SLC36A4: variants seen among roughly 807,000 people sequenced by gnomAD.
The protein encoded by SLC36A4 is neutral amino acid uniporter 4.
SLC36A4 carries 49 observed loss-of-function variants against 50.5 expected under a neutral mutation model. The observed-to-expected ratio is 0.97, with a 90% CI of 0.77 to 1.23. The LOEUF (loss-of-function observed/expected upper bound fraction) is 1.23. SLC36A4 is among the 50% of genes most tolerant of loss of function. SLC36A4 has a pLI of 0.00. For missense variants in SLC36A4, 611 were observed against 608.4 expected (o/e 1.00, Z -0.05); for synonymous variants, 207 against 206.5 (o/e 1.00, Z -0.02).
At chr11:93,191,439 G>A (rs1862214301) in intron 1 of SLC36A4, among the ~76,000 whole-genome samples, 1 of 152,202 alleles carries the variant, frequency 6.6e-6, no homozygotes, top group Non-Finnish European at 1.5e-5. Context: ...AGCTTGATAA[G>A]TTTTCTAATC....
intron 6 of SLC36A4, among the ~76,000 whole-genome samples, chr11:93,168,842 C>G (rs1457126505): frequency 1.3e-5 from 2 of 152,000 alleles, no homozygotes; most frequent in Non-Finnish European, 2.9e-5. Context: ...ATTCCTATAA[C>G]CCAATTTTCA....
Position 93,146,426 on chromosome 11 carries a change from T to A in SLC36A4, c.*2111A>T, listed in dbSNP as rs903469872. 2 of 152,004 alleles carry A rather than the reference T, an allele frequency of 1.3e-5. No homozygotes were observed. The highest frequency in any genetic ancestry group is 4.8e-5 in the African/African-American group (2 of 41,440). The allele number at this position is 152,004 out of a possible 1,614,324, so 9.4% of individuals were successfully genotyped here. On this transcript the variant is annotated 3_prime_UTR_variant, in exon 11 of 11. Transcript: ENST00000326402. ...AGTGAAGATTCGTTTTCCTATAACT[T>A]CTTCTGCATTCTCTTAGTATGACTA...
At chr11:93,171,903 G>A (rs1006879858) in intron 6 of SLC36A4, 20 of 152,186 alleles carry the variant, frequency 1.3e-4, no homozygotes, top group Non-Finnish European at 2.6e-4. Flanking sequence ...ATAAACAAAA[G>A]AATATAAACA....
intron 6 of SLC36A4, among the ~76,000 whole-genome samples, chr11:93,170,652 A>G (rs2134665761): frequency 6.6e-6 from 1 of 152,146 alleles, no homozygotes; most frequent in African/African-American, 2.4e-5. Flanking sequence ...TTTATTTGTA[A>G]TACTGTATTC....
At chr11:93,161,167 A>T (rs990735918) in intron 9 of SLC36A4, among the ~76,000 whole-genome samples, 1 of 152,298 alleles carries the variant, frequency 6.6e-6, no homozygotes, top group South Asian at 2.1e-4. Flanking sequence ...TGAGGAAAAA[A>T]TATCATTCTA....
chr11:93,162,901 T>C, intron 8 of SLC36A4, 26 bp from the exon 9 acceptor site: 13 of 1,597,878 alleles, frequency 8.1e-6, no homozygotes, highest in Non-Finnish European at 1.1e-5. Context: ...AATACTTTTT[T>C]TTAAGGGAAT....
chr11:93,162,790 T>C lies in SLC36A4; in HGVS notation c.953A>G (p.Tyr318Cys), dbSNP rs1182264957. The stretch of plus-strand genomic sequence containing the variant: ...ATATCCTAAAGTAGCTAATGTTACA[T>C]ACAAAGTTGTAACAATCCCCATGCC... The part of the protein sequence containing the change: ...NIGMGIVTTL[Y>C]VTLATLGYMC... The change falls in exon 9 of 11, where the codon TAT becomes TGT. Residue 318 changes from tyrosine (Y) to cysteine (C), a missense_variant. Coordinates refer to ENST00000326402, the MANE Select transcript of SLC36A4 (RefSeq NM_152313.4). 7 of 1,612,740 alleles carry C rather than the reference T, an allele frequency of 4.3e-6. No homozygotes were observed. The highest frequency in any genetic ancestry group is 3.3e-5 in the South Asian group (3 of 91,046).
At chr11:93,157,903 C>T (rs1478495192) in intron 9 of SLC36A4, among the ~76,000 whole-genome samples, 1 of 152,096 alleles carries the variant, frequency 6.6e-6, no homozygotes, top group African/African-American at 2.4e-5. Context: ...ACTTCCAATA[C>T]TATGTTGAAC....
chr11:93,165,720 A>T (rs963718587), intron 8 of SLC36A4, among the ~76,000 whole-genome samples, 198 bp downstream of exon 8: 2 of 152,176 alleles, frequency 1.3e-5, no homozygotes, highest in Non-Finnish European at 2.9e-5. Context: ...TAGAGAGCCT[A>T]AGTGGTATGT....
At position 93,179,059 on chromosome 11, in the gene SLC36A4, G is replaced by C. The variant is rs191440945; in HGVS notation, c.540+1738C>G. Among the ~76,000 whole-genome samples the C allele has an allele frequency of 1.4e-4, 21 of 152,284 alleles. No homozygotes were observed. The East Asian group carries it at 3.7e-3, about 27-fold the overall frequency. ...GTTCACAGAGAAAATGGGAAAAATG[G>C]GTGTTTGCACAGGATGGGAGCAAGG... On this transcript the variant is annotated intron_variant, in intron 6 of 10. Coordinates refer to ENST00000326402, the MANE Select transcript of SLC36A4 (RefSeq NM_152313.4).
At chr11:93,197,566 A>G in intron 1 of SLC36A4, 1 of 577,416 alleles carries the variant, frequency 1.7e-6, no homozygotes, top group Admixed American at 3.3e-5. Flanking sequence ...ACACACACAT[A>G]TTTTAACGCC....
At position 93,182,902 on chromosome 11, in the gene SLC36A4, GA is replaced by G. The variant is rs755363218; in HGVS notation, c.271-9del. 2.2e-5 allele frequency: 35 copies of G among 1,589,892 alleles called. No homozygotes were observed. Among genetic ancestry groups the G allele is most frequent in the South Asian group, 9.1e-5 (8 of 87,500 alleles). ...AAGGCTGATTGGTCCAAGCTGTGGG[GA>G]AAAAAAATTTATAAGGTTTAAATAT... On this transcript the variant is annotated splice_polypyrimidine_tract_variant and intron_variant, in intron 3 of 10. Transcript: ENST00000326402.
At chr11:93,170,929 T>C (rs2134666307) in intron 6 of SLC36A4, among the ~76,000 whole-genome samples, 1 of 152,168 alleles carries the variant, frequency 6.6e-6, no homozygotes, top group South Asian at 2.1e-4. Context: ...CAATTTCATG[T>C]AGACTAAGGG....
chr11:93,151,303 C>T (rs1033765850), intron 10 of SLC36A4, among the ~76,000 whole-genome samples: 1 of 151,904 alleles, frequency 6.6e-6, no homozygotes, highest in African/African-American at 2.4e-5. Context: ...AAGTACTAAT[C>T]ACACTTATTC....
At chr11:93,159,688 CTTT>C (rs371027065) in intron 9 of SLC36A4, 8 of 420,288 alleles carry the variant, frequency 1.9e-5, no homozygotes, top group African/African-American at 1.7e-4. Flanking sequence ...AAAATACATT[CTTT>C]ACTTCAAAAG....
intron 9 of SLC36A4, chr11:93,155,316 A>T (rs79036439): frequency 5.9e-5 from 9 of 152,278 alleles, no homozygotes; most frequent in African/African-American, 1.9e-4. Context: ...CTTTCAGCAG[A>T]AACATCTTCC....
chr11:93,168,222 T>C (rs1361658710), intron 6 of SLC36A4, 51 bp from the exon 7 acceptor site: 3 of 1,126,270 alleles, frequency 2.7e-6, no homozygotes. Flanking sequence ...TTCCATCAAC[T>C]TACAATCATA....
chr11:93,182,440 T>G (rs1861780037), intron 4 of SLC36A4: 1 of 159,022 alleles, frequency 6.3e-6, no homozygotes, highest in African/African-American at 2.4e-5. Context: ...ATCTACTAAC[T>G]CATACATCAG....
At chr11:93,159,106 G>GA (rs531694101) in intron 9 of SLC36A4, among the ~76,000 whole-genome samples, 62 of 151,994 alleles carry the variant, frequency 4.1e-4, no homozygotes, top group African/African-American at 1.2e-3. Context: ...CATTCAACAT[G>GA]AAAAATATTA....
Sources: gnomAD v4.1 joint callset for allele counts (sites outside exome capture counted in the v4.1 genomes callset) on GRCh38, gnomAD v4.1.1 for gene constraint, MANE v1.5 for transcripts, NCBI Gene and HGNC (gene_info 2026-07-23, HGNC 2026-07-21) for gene names.